ZDHHC14: variants seen among roughly 807,000 people sequenced by gnomAD.
ZDHHC14 encodes the protein palmitoyltransferase ZDHHC14.
A neutral mutation model predicts 47.7 loss-of-function variants in ZDHHC14; 16 were observed. That is an observed-to-expected ratio of 0.34 (90% CI 0.23 to 0.51). ZDHHC14 has a LOEUF of 0.51. Ranked by LOEUF, ZDHHC14 falls within the 20% of genes least tolerant of loss-of-function variation. The pLI is 0.97. For missense variants in ZDHHC14, 515 were observed against 662.5 expected (o/e 0.78, Z 2.44); for synonymous variants, 293 against 278.9 (o/e 1.05, Z -0.50).
At chr6:157,492,589 C>G (rs1345430449) in intron 1 of ZDHHC14, among the ~76,000 whole-genome samples, 1 of 152,240 alleles carries the variant, frequency 6.6e-6, no homozygotes, top group Non-Finnish European at 1.5e-5. Context: ...CTTGTCCATT[C>G]AATCCATTTG....
In ZDHHC14 at chr6:157,381,641, C is replaced by T. The variant is rs564839121; in HGVS notation, c.-381C>T. 243 of 161,924 alleles carry T rather than the reference C, an allele frequency of 1.5e-3. No homozygotes were observed. Among genetic ancestry groups the T allele is most frequent in the Middle Eastern group, 8.8e-3 (3 of 340 alleles). 10.0% of individuals were successfully genotyped at this position (161,924 alleles called of 1,614,324 possible). ...TGCTCGGGGGTCGGCGGGCCAGAGC[C>T]GAGGCGCGGCCGGGGAGCCGGGGGC... On this transcript the variant is annotated 5_prime_UTR_variant, in exon 1 of 9. Transcript: ENST00000359775.
At chr6:157,441,429 G>A (rs967898801) in intron 1 of ZDHHC14, among the ~76,000 whole-genome samples, 1 of 152,208 alleles carries the variant, frequency 6.6e-6, no homozygotes, top group Non-Finnish European at 1.5e-5. Context: ...TGTTAGATTG[G>A]CAGATGTGTT....
chr6:157,637,275 AAGTCAAGGGCC>A (rs1777033346), intron 5 of ZDHHC14, among the ~76,000 whole-genome samples: 1 of 152,080 alleles, frequency 6.6e-6, no homozygotes, highest in Non-Finnish European at 1.5e-5. Flanking sequence ...GAGTGTGCCA[AAGTCAAGGGCC>A]ACTCAGGGGT....
intron 2 of ZDHHC14, among the ~76,000 whole-genome samples, chr6:157,572,087 C>G (rs1397364645): frequency 1.3e-5 from 2 of 152,036 alleles, no homozygotes; most frequent in African/African-American, 4.8e-5. Context: ...GCCAATACTG[C>G]CAGTCCATGG....
intron 1 of ZDHHC14, among the ~76,000 whole-genome samples, chr6:157,473,911 A>G (rs9406302): frequency 0.16 from 23,473 of 150,946 alleles, 2,353 homozygotes; most frequent in Middle Eastern, 0.23. Flanking sequence ...CCAAATCTTA[A>G]AAAAAAAAAG....
At chr6:157,490,393 T>C (rs1779884750) in intron 1 of ZDHHC14, among the ~76,000 whole-genome samples, 1 of 152,204 alleles carries the variant, frequency 6.6e-6, no homozygotes, top group African/African-American at 2.4e-5. Flanking sequence ...CACACACTCC[T>C]CAAGCCACCG....
At chr6:157,625,783 G>A (rs1395479924) in intron 3 of ZDHHC14, among the ~76,000 whole-genome samples, 1 of 152,030 alleles carries the variant, frequency 6.6e-6, no homozygotes, top group Non-Finnish European at 1.5e-5. Flanking sequence ...GGTGAGCCTA[G>A]ATTTTTAGTG....
intron 1 of ZDHHC14, among the ~76,000 whole-genome samples, chr6:157,497,414 C>T (rs766047823): frequency 1.3e-5 from 2 of 152,132 alleles, no homozygotes; most frequent in Non-Finnish European, 2.9e-5. Context: ...TGAGTATTCC[C>T]GAAGGGCCAT....
intron 1 of ZDHHC14, among the ~76,000 whole-genome samples, chr6:157,395,792 C>CA (rs1186869019): frequency 0.035 from 3,705 of 106,854 alleles, 78 homozygotes; most frequent in South Asian, 0.086. Flanking sequence ...GACTCCATCT[C>CA]AAAAAAAAAA....
chr6:157,609,664 C>G (rs1784679016), intron 3 of ZDHHC14, among the ~76,000 whole-genome samples: 1 of 152,252 alleles, frequency 6.6e-6, no homozygotes, highest in Non-Finnish European at 1.5e-5. Context: ...GTGTCTTTCC[C>G]TGTCTTGTGG....
intron 1 of ZDHHC14, among the ~76,000 whole-genome samples, chr6:157,495,113 A>G (rs1251481944): frequency 2.0e-5 from 3 of 151,956 alleles, no homozygotes; most frequent in Non-Finnish European, 4.4e-5. Context: ...AGTATACCCC[A>G]AGGAGATTTA....
At chr6:157,570,932 C>G (rs768510488) in intron 2 of ZDHHC14, among the ~76,000 whole-genome samples, 2 of 152,112 alleles carry the variant, frequency 1.3e-5, no homozygotes, top group Non-Finnish European at 2.9e-5. Flanking sequence ...AGTTCAAGGT[C>G]TTTGCATGAA....
At chr6:157,424,891 G>A (rs1285591377) in intron 1 of ZDHHC14, among the ~76,000 whole-genome samples, 1 of 151,972 alleles carries the variant, frequency 6.6e-6, no homozygotes, top group East Asian at 1.9e-4. Flanking sequence ...TCTTCAGCAG[G>A]ATCCCTGCCA....
chr6:157,672,655 A>T, intron 8 of ZDHHC14, 69 bp from the exon 9 acceptor site: 2 of 259,524 alleles, frequency 7.7e-6, no homozygotes, highest in South Asian at 3.1e-5. Flanking sequence ...CCCTGTCCCC[A>T]TCCCTGTCCC....
At chr6:157,623,105 C>A (rs1785258931) in intron 3 of ZDHHC14, among the ~76,000 whole-genome samples, 1 of 152,206 alleles carries the variant, frequency 6.6e-6, no homozygotes, top group South Asian at 2.1e-4. Context: ...AGCCATCCCC[C>A]ACCCTCAGTA....
At chr6:157,458,250 AT>A (rs988764978) in intron 1 of ZDHHC14, among the ~76,000 whole-genome samples, 3 of 152,192 alleles carry the variant, frequency 2.0e-5, no homozygotes, top group African/African-American at 7.2e-5. Context: ...TCCCATGGTG[AT>A]TTTTTTCATT....
chr6:157,430,877 A>T (rs1304832348), intron 1 of ZDHHC14, among the ~76,000 whole-genome samples: 1 of 152,188 alleles, frequency 6.6e-6, no homozygotes, highest in African/African-American at 2.4e-5. Context: ...TGATAAATCC[A>T]TTTCTACAGA....
At chr6:157,445,105 T>TACACACACACACACACAC (rs533031947) in intron 1 of ZDHHC14, among the ~76,000 whole-genome samples, 17 of 131,768 alleles carry the variant, frequency 1.3e-4, no homozygotes, top group African/African-American at 4.1e-4. Flanking sequence ...TGCCAGATAT[T>TACACACACACACACACAC]ACACACACAC....
chr6:157,423,834 T>C (rs181427522), intron 1 of ZDHHC14, among the ~76,000 whole-genome samples: 42 of 152,186 alleles, frequency 2.8e-4, no homozygotes, highest in Admixed American at 9.8e-4. Flanking sequence ...TAGGAGCTCA[T>C]TGGAAAAGCA....
Sources: gnomAD v4.1 joint callset for allele counts (sites outside exome capture counted in the v4.1 genomes callset) on GRCh38, gnomAD v4.1.1 for gene constraint, MANE v1.5 for transcripts, NCBI Gene and HGNC (gene_info 2026-07-23, HGNC 2026-07-21) for gene names.